The following LNX1 variants were observed in gnomAD, a reference collection of about 807,000 sequenced individuals.
The protein encoded by LNX1 is E3 ubiquitin-protein ligase LNX.
LNX1 carries 54 observed loss-of-function variants against 68.4 expected under a neutral mutation model. The observed-to-expected ratio is 0.79, with a 90% CI of 0.63 to 0.99. The LOEUF (loss-of-function observed/expected upper bound fraction) is 0.99, where lower values mean the gene tolerates loss of function less well. Ranked by LOEUF, LNX1 falls within the 50% of genes least tolerant of loss-of-function variation. The probability of loss-of-function intolerance (pLI) is 0.00; values close to 1 mark genes in which losing one functional copy is unlikely to be tolerated. For missense variants in LNX1, 906 were observed against 926.4 expected (o/e 0.98, Z 0.29); for synonymous variants, 336 against 350.0 (o/e 0.96, Z 0.45).
At chr4:53,516,798 C>G (rs1170972367) in intron 2 of LNX1, among the ~76,000 whole-genome samples, 1 of 152,120 alleles carries the variant, frequency 6.6e-6, no homozygotes, top group Non-Finnish European at 1.5e-5. Flanking sequence ...TTCAGTAATC[C>G]TAAACCATGC....
intron 2 of LNX1, among the ~76,000 whole-genome samples, chr4:53,612,484 G>A (rs1223702776): frequency 1.3e-5 from 2 of 152,084 alleles, no homozygotes; most frequent in Non-Finnish European, 2.9e-5. Context: ...AGTGTTTTCT[G>A]TAATGGAGGA....
chr4:53,567,744 G>A (rs1283925443), intron 2 of LNX1, among the ~76,000 whole-genome samples: 1 of 152,082 alleles, frequency 6.6e-6, no homozygotes, highest in Non-Finnish European at 1.5e-5. Context: ...TTGATAGACT[G>A]CTAACAAGAC....
At chr4:53,505,671 T>G (rs562813619) in intron 4 of LNX1, among the ~76,000 whole-genome samples, 35 of 152,312 alleles carry the variant, frequency 2.3e-4, no homozygotes, top group African/African-American at 7.9e-4. Flanking sequence ...TAGTGGACAC[T>G]TATGTGCCAG....
intron 1 of LNX1, among the ~76,000 whole-genome samples, chr4:53,640,840 G>C (rs1182156073): frequency 6.6e-6 from 1 of 152,230 alleles, no homozygotes; most frequent in Non-Finnish European, 1.5e-5. Flanking sequence ...TCTCACAAGA[G>C]GTTTTGAAAA....
At chr4:53,465,950 A>G (rs1722645708) in intron 9 of LNX1, among the ~76,000 whole-genome samples, 1 of 152,210 alleles carries the variant, frequency 6.6e-6, no homozygotes, top group Non-Finnish European at 1.5e-5. Context: ...GTTTGTGCAT[A>G]GTATATTGGC....
At chr4:53,609,740 TTATATA>T in intron 2 of LNX1, among the ~76,000 whole-genome samples, 1 of 141,380 alleles carries the variant, frequency 7.1e-6, no homozygotes, top group South Asian at 2.1e-4. Context: ...TAATATACTA[TTATATA>T]TTATATATAA....
At chr4:53,510,901 C>G (rs373808158) in intron 2 of LNX1, among the ~76,000 whole-genome samples, 8 of 152,156 alleles carry the variant, frequency 5.3e-5, no homozygotes, top group Admixed American at 4.6e-4. Context: ...AAACTGGCAC[C>G]TTTCTCTGCT....
chr4:53,623,965 G>C lies in LNX1; in HGVS notation c.-215+28203C>G, dbSNP rs111821977. Among the ~76,000 whole-genome samples, 788 of 152,200 alleles carry C rather than the reference G, an allele frequency of 5.2e-3. 8 individuals are homozygous for C. Among genetic ancestry groups the C allele is most frequent in the African/African-American group, 0.018 (752 of 41,526 alleles). On this transcript the variant is annotated intron_variant, in intron 1 of 2. Transcript: ENST00000507168. ...ACTTGCATCAAAAGATCTGTATAAG[G>C]GTAGTTATTCCTCAAAAGAATATAG... is the stretch of plus-strand genomic sequence containing the variant.
intron 1 of LNX1, among the ~76,000 whole-genome samples, chr4:53,587,908 C>A (rs1360772202): frequency 6.6e-6 from 1 of 152,160 alleles, no homozygotes; most frequent in East Asian, 1.9e-4. Context: ...CCAAGAGAAA[C>A]AACACAATCT....
chr4:53,573,058 AG>A (rs1461200190), intron 2 of LNX1, among the ~76,000 whole-genome samples: 1 of 152,188 alleles, frequency 6.6e-6, no homozygotes, highest in African/African-American at 2.4e-5. Context: ...GAGGCCCATA[AG>A]CCTCAGAGAA....
intron 1 of LNX1, chr4:53,575,429 C>A (rs764319081): frequency 1.2e-6 from 1 of 845,922 alleles, no homozygotes; most frequent in South Asian, 5.4e-5. Context: ...AGTTTTCAAG[C>A]GCCAACTCTG....
chr4:53,479,818 T>C (rs753212983), intron 7 of LNX1, among the ~76,000 whole-genome samples: 4 of 152,244 alleles, frequency 2.6e-5, no homozygotes, highest in Non-Finnish European at 5.9e-5. Flanking sequence ...TTTGGATATT[T>C]AGAATAAAAC....
In LNX1 at chr4:53,575,791, G is replaced by C. The variant is rs528086004; in HGVS notation, c.-86-1703C>G. Reference sequence around the variant, plus strand: ...CAGTGGCCGAGTGAGTTTCTTGGGGGCCCAGCTTCCTCCAGAGGTGGCAGC... The same window carrying C: ...CAGTGGCCGAGTGAGTTTCTTGGGGCCCCAGCTTCCTCCAGAGGTGGCAGC... On this transcript the variant is annotated intron_variant, in intron 1 of 10. Coordinates refer to ENST00000263925, the MANE Select transcript of LNX1 (RefSeq NM_001126328.3). The C allele has an allele frequency of 1.9e-6, 3 of 1,575,162 alleles. No homozygotes were observed. The Admixed American group carries it at 5.3e-5, about 28-fold the overall frequency.
At chr4:53,556,069 A>G (rs1729889778) in intron 2 of LNX1, among the ~76,000 whole-genome samples, 1 of 152,340 alleles carries the variant, frequency 6.6e-6, no homozygotes, top group African/African-American at 2.4e-5. Flanking sequence ...TATTTGGAAC[A>G]AGGGTCTTGT....
At chr4:53,521,301 G>A (rs571392569) in intron 2 of LNX1, among the ~76,000 whole-genome samples, 2 of 152,162 alleles carry the variant, frequency 1.3e-5, no homozygotes, top group South Asian at 2.1e-4. Context: ...GCTTGATATC[G>A]AGATGGAGGT....
intron 2 of LNX1, among the ~76,000 whole-genome samples, chr4:53,573,171 T>A (rs373568452): frequency 1.3e-5 from 2 of 152,170 alleles, no homozygotes; most frequent in African/African-American, 4.8e-5. Flanking sequence ...GTCGTTGATA[T>A]GAAGCACTTA....
At chr4:53,522,465 A>G (rs943981351) in intron 2 of LNX1, among the ~76,000 whole-genome samples, 4 of 152,218 alleles carry the variant, frequency 2.6e-5, no homozygotes, top group Non-Finnish European at 5.9e-5. Context: ...CAGGCAAACA[A>G]GTCCAATATG....
intron 2 of LNX1, among the ~76,000 whole-genome samples, chr4:53,611,380 A>C (rs1209375242): frequency 6.6e-6 from 1 of 152,186 alleles, no homozygotes; most frequent in Non-Finnish European, 1.5e-5. Context: ...CAATGCCATA[A>C]AGATATTAAA....
intron 2 of LNX1, among the ~76,000 whole-genome samples, chr4:53,612,303 G>A (rs1733526528): frequency 6.6e-6 from 1 of 152,206 alleles, no homozygotes; most frequent in African/African-American, 2.4e-5. Context: ...ACCTCTTGCA[G>A]GAGCAGCATG....
Sources: gnomAD v4.1 joint callset for allele counts (sites outside exome capture counted in the v4.1 genomes callset) on GRCh38, gnomAD v4.1.1 for gene constraint, MANE v1.5 for transcripts, NCBI Gene and HGNC (gene_info 2026-07-23, HGNC 2026-07-21) for gene names.